CBLB: variants seen among roughly 807,000 people sequenced by gnomAD.
CBLB encodes the protein Cbl proto-oncogene B.
In CBLB, 31 loss-of-function variants were observed where a neutral mutation model predicts 104.9. The ratio of observed to expected loss-of-function variants is 0.30; its 90% CI spans 0.22 to 0.40. The LOEUF is 0.40. Among genes scored for constraint, CBLB ranks in the 10% least tolerant of loss-of-function variants. CBLB has a pLI of 1.00. For missense variants in CBLB, 1,062 were observed against 1,214.6 expected (o/e 0.87, Z 1.87); for synonymous variants, 440 against 422.6 (o/e 1.04, Z -0.51).
intron 3 of CBLB, among the ~76,000 whole-genome samples, chr3:105,789,747 A>T (rs537650105): frequency 6.6e-6 from 1 of 152,290 alleles, no homozygotes; most frequent in African/African-American, 2.4e-5. Flanking sequence ...TTCTGAAGAC[A>T]ATTTAACATA....
intron 2 of CBLB, among the ~76,000 whole-genome samples, chr3:105,859,534 A>G (rs1037272229): frequency 5.9e-5 from 9 of 152,026 alleles, no homozygotes; most frequent in African/African-American, 2.2e-4. Context: ...AGGCGCCTGT[A>G]GTCCCAGGAA....
chr3:105,709,776 CA>C (rs2070781244), intron 10 of CBLB, among the ~76,000 whole-genome samples: 1 of 151,856 alleles, frequency 6.6e-6, no homozygotes, highest in South Asian at 2.1e-4. Flanking sequence ...AGATACTAGA[CA>C]TGTAACCGTG....
At chr3:105,781,484 A>G (rs544583716) in intron 3 of CBLB, among the ~76,000 whole-genome samples, 1 of 152,358 alleles carries the variant, frequency 6.6e-6, no homozygotes, top group South Asian at 2.1e-4. Context: ...AGAGATCATC[A>G]TAATACAATG....
intron 4 of CBLB, among the ~76,000 whole-genome samples, chr3:105,775,786 C>T (rs2079388470): frequency 6.6e-6 from 1 of 152,226 alleles, no homozygotes; most frequent in Non-Finnish European, 1.5e-5. Context: ...GGGCATACAT[C>T]TTTAACTACT....
At chr3:105,700,410 C>T (rs1418450780) in intron 12 of CBLB, among the ~76,000 whole-genome samples, 1 of 151,816 alleles carries the variant, frequency 6.6e-6, no homozygotes, top group Non-Finnish European at 1.5e-5. Context: ...TTAATTACAG[C>T]TTCTTCTAAC....
chr3:105,711,336 T>C (rs558807658), intron 10 of CBLB, among the ~76,000 whole-genome samples: 49 of 152,132 alleles, frequency 3.2e-4, no homozygotes, highest in African/African-American at 1.2e-3. Context: ...AATGAAGACA[T>C]TGATAAAACT....
At chr3:105,861,165 A>T (rs191727692) in intron 2 of CBLB, among the ~76,000 whole-genome samples, 1 of 152,112 alleles carries the variant, frequency 6.6e-6, no homozygotes, top group African/African-American at 2.4e-5. Flanking sequence ...AATTGTAATA[A>T]TATTATTAAT....
chr3:105,864,597 CA>C (rs1314249973), intron 2 of CBLB, among the ~76,000 whole-genome samples: 1 of 152,150 alleles, frequency 6.6e-6, no homozygotes, highest in Non-Finnish European at 1.5e-5. Context: ...TTCTTTTCCT[CA>C]AAACATAGAC....
intron 3 of CBLB, among the ~76,000 whole-genome samples, chr3:105,790,368 CTTCT>C (rs1340110573): frequency 2.0e-5 from 3 of 152,220 alleles, no homozygotes; most frequent in African/African-American, 7.2e-5. Flanking sequence ...CAGCTTGCTG[CTTCT>C]TTGTCTACAA....
chr3:105,699,662 C>T (rs985382311), intron 12 of CBLB, among the ~76,000 whole-genome samples: 3 of 152,074 alleles, frequency 2.0e-5, no homozygotes, highest in African/African-American at 7.2e-5. Context: ...TAGGCCTTTT[C>T]TAATTTATCT....
rs184402261 is a variant in CBLB at position 105,693,474 on chromosome 3, C to A, written c.2054+20G>T. On this transcript the variant is annotated intron_variant, in intron 13 of 18. Coordinates refer to ENST00000394030, the MANE Select transcript of CBLB (RefSeq NM_170662.5). Reference sequence around the variant, plus strand: ...ATCTTGATGCATAGACAAGTGATCTCCAAATTCAACAAAACTCACTTTATG... The same window carrying A: ...ATCTTGATGCATAGACAAGTGATCTACAAATTCAACAAAACTCACTTTATG... 2.0e-4 allele frequency: 310 copies of A among 1,550,294 alleles called. No homozygotes were observed. Among genetic ancestry groups the A allele is most frequent in the Non-Finnish European group, 1.2e-5 (14 of 1,122,762 alleles).
At chr3:105,826,021 T>G (rs778084702) in intron 3 of CBLB, among the ~76,000 whole-genome samples, 8 of 152,176 alleles carry the variant, frequency 5.3e-5, no homozygotes, top group Non-Finnish European at 1.0e-4. Context: ...ACTAAGCTCC[T>G]TAACAACAAT....
intron 8 of CBLB, among the ~76,000 whole-genome samples, chr3:105,735,726 G>A (rs1321713290): frequency 6.6e-6 from 1 of 152,100 alleles, no homozygotes; most frequent in East Asian, 1.9e-4. Flanking sequence ...CGAGGCGGGT[G>A]GATCACCTGA....
At chr3:105,760,251 T>A (rs1576954787) in intron 4 of CBLB, among the ~76,000 whole-genome samples, 2 of 152,144 alleles carry the variant, frequency 1.3e-5, no homozygotes, top group Admixed American at 6.5e-5. Context: ...AGTTCATTAG[T>A]GGAAAGGAAC....
At position 105,670,333 on chromosome 3, in the gene CBLB, T is replaced by G. The variant is rs1330011919; in HGVS notation, c.2589A>C (p.Ala863=). The G allele has an allele frequency of 6.2e-7, 1 of 1,611,240 alleles. No individual in the cohort carries two copies. The highest frequency in any genetic ancestry group is 8.5e-7 in the Non-Finnish European group (1 of 1,177,762). The change falls in exon 18 of 19, where the codon GCA becomes GCC. Residue 863 remains alanine (A), a synonymous_variant. Transcript: ENST00000394030. ...LLPSDPFVDL[A]SGQVPLPPAR... Reference sequence around the variant, plus strand: ...CAGGAGGCAAAGGAACTTGGCCACTTGCTAGATCAACAAAGGGATCTTAAA... The same window carrying G: ...CAGGAGGCAAAGGAACTTGGCCACTGGCTAGATCAACAAAGGGATCTTAAA...
intron 10 of CBLB, among the ~76,000 whole-genome samples, chr3:105,705,309 T>C (rs1468737610): frequency 1.3e-5 from 2 of 152,208 alleles, no homozygotes; most frequent in African/African-American, 2.4e-5. Context: ...CTTAGTTACA[T>C]TGTATAAGGC....
intron 3 of CBLB, among the ~76,000 whole-genome samples, chr3:105,848,149 T>C (rs939857639): frequency 2.0e-5 from 3 of 151,962 alleles, no homozygotes; most frequent in Admixed American, 6.6e-5. Flanking sequence ...TTGAACTGTT[T>C]GCAGGAAAAG....
At chr3:105,675,887 A>AT (rs2065580806) in intron 17 of CBLB, among the ~76,000 whole-genome samples, 1 of 147,962 alleles carries the variant, frequency 6.8e-6, no homozygotes, top group African/African-American at 2.4e-5. Context: ...CCTGTCTCAA[A>AT]AAAAAAAAAA....
Position 105,693,551 on chromosome 3 carries a change from T to C in CBLB, c.1997A>G (p.Asp666Gly). ...SNGHLGSEEYDVPPRLSPPPP... is the reference protein window; with the variant it reads ...SNGHLGSEEYGVPPRLSPPPP... ...AGGAGGAGAAAGCCGGGGAGGAACA[T>C]CATATTCTTCACTTCCAAGGTGACC... The change falls in exon 13 of 19, where the codon GAT becomes GGT. Residue 666 changes from aspartate to glycine, a missense_variant. Around this residue, in one of 2 missense-constraint regions of CBLB, gnomAD observed 605 missense variants for 582.6 expected, o/e 1.04. Coordinates refer to ENST00000394030, the MANE Select transcript of CBLB (RefSeq NM_170662.5). 1 of 1,612,520 alleles carries C rather than the reference T, an allele frequency of 6.2e-7. No individual in the cohort carries two copies. The highest frequency in any genetic ancestry group is 8.5e-7 in the Non-Finnish European group (1 of 1,178,772).
Sources: gnomAD v4.1 joint callset for allele counts (sites outside exome capture counted in the v4.1 genomes callset) on GRCh38, gnomAD v4.1.1 for gene constraint, gnomAD v4.1.1 regional missense constraint, MANE v1.5 for transcripts, NCBI Gene and HGNC (gene_info 2026-07-23, HGNC 2026-07-21) for gene names.